Variants in IL1RAPL2 observed in about 807,000 individuals in gnomAD.
The protein encoded by IL1RAPL2 is X-linked interleukin-1 receptor accessory protein-like 2.
Under a neutral mutation model 44.1 loss-of-function variants are expected in IL1RAPL2, and 3 were observed. The ratio of observed to expected loss-of-function variants is 0.07; its 90% confidence interval spans 0.03 to 0.18. The LOEUF (loss-of-function observed/expected upper bound fraction) is 0.18, where lower values mean the gene tolerates loss of function less well. IL1RAPL2 is among the 10% of genes least tolerant of loss of function. The pLI is 1.00. For synonymous variants in IL1RAPL2, 181 were observed against 178.8 expected, an observed-to-expected ratio of 1.01 and a Z score of -0.10; for missense variants, 391 against 496.4, an observed-to-expected ratio of 0.79 and a Z score of 2.02.
intron 3 of IL1RAPL2, among the ~76,000 whole-genome samples, chrX:105,216,677 G>A (rs782679967): frequency 2.7e-5 from 3 of 111,210 alleles, no homozygotes; most frequent in Non-Finnish European, 5.7e-5. Flanking sequence ...AAAACTGGAG[G>A]CATCACACTA....
chrX:104,696,668 C>A (rs1931187965), intron 2 of IL1RAPL2, among the ~76,000 whole-genome samples: 2 of 111,306 alleles, frequency 1.8e-5, no homozygotes, highest in Admixed American at 9.6e-5. Flanking sequence ...AGTTGACCAG[C>A]CAGTATTGGA....
At chrX:104,921,296 G>T (rs1293955862) in intron 2 of IL1RAPL2, among the ~76,000 whole-genome samples, 2 of 99,078 alleles carry the variant, frequency 2.0e-5, no homozygotes, top group African/African-American at 7.7e-5. Flanking sequence ...CCTGCTGTCT[G>T]CTAGGCTTGG....
At chrX:105,765,060 C>G (rs2038718742) in intron 10 of IL1RAPL2, 1 of 111,622 alleles carries the variant, frequency 9.0e-6, no homozygotes, top group African/African-American at 3.3e-5. Flanking sequence ...CCTGGTAAAA[C>G]TGTATCTTCA....
At chrX:105,744,020 A>C in intron 8 of IL1RAPL2, among the ~76,000 whole-genome samples, 1 of 112,197 alleles carries the variant, frequency 8.9e-6, no homozygotes, top group Admixed American at 9.5e-5. Flanking sequence ...ACCAGAGAAA[A>C]CATGCCTTGC....
At chrX:105,265,986 A>T (rs2034399009) in intron 4 of IL1RAPL2, among the ~76,000 whole-genome samples, 1 of 111,436 alleles carries the variant, frequency 9.0e-6, no homozygotes, top group African/African-American at 3.3e-5. Context: ...TGTTCACATC[A>T]TCTACCTCAA....
At chrX:104,888,319 T>G (rs1253213557) in intron 2 of IL1RAPL2, among the ~76,000 whole-genome samples, 1 of 48,994 alleles carries the variant, frequency 2.0e-5, no homozygotes, top group African/African-American at 8.3e-5. Context: ...AAAGAGGGAG[T>G]CAGAGAGAGA....
At chrX:105,731,510 C>T (rs1365221066) in intron 7 of IL1RAPL2, among the ~76,000 whole-genome samples, 1 of 110,893 alleles carries the variant, frequency 9.0e-6, no homozygotes, top group Middle Eastern at 4.3e-3. Flanking sequence ...ATACCTGAAC[C>T]CCCATGTTTA....
chrX:105,340,411 C>CA (rs1232252360), intron 5 of IL1RAPL2, among the ~76,000 whole-genome samples: 1 of 111,900 alleles, frequency 8.9e-6, no homozygotes, highest in African/African-American at 3.2e-5. Context: ...TGATTTACTG[C>CA]AAAAATCTCC....
chrX:105,200,022 A>G (rs1199458110), intron 3 of IL1RAPL2, among the ~76,000 whole-genome samples: 1 of 111,591 alleles, frequency 9.0e-6, no homozygotes, highest in African/African-American at 3.3e-5. Context: ...GCCAAGTGAG[A>G]AATTCCGTCC....
At chrX:105,219,179 A>C in intron 3 of IL1RAPL2, 6 of 1,210,795 alleles carry the variant, frequency 5.0e-6, no homozygotes, top group Non-Finnish European at 6.7e-6. Flanking sequence ...CTAGTATCAA[A>C]GGCCTCCCAG....
At chrX:104,864,844 C>T (rs1224528996) in intron 2 of IL1RAPL2, among the ~76,000 whole-genome samples, 2 of 103,134 alleles carry the variant, frequency 1.9e-5, no homozygotes, top group Non-Finnish European at 3.9e-5. Flanking sequence ...CTTTTGTGGA[C>T]TACTGGACAC....
intron 2 of IL1RAPL2, among the ~76,000 whole-genome samples, chrX:104,749,744 G>A (rs1932227073): frequency 9.0e-6 from 1 of 111,588 alleles, no homozygotes; most frequent in Non-Finnish European, 1.9e-5. Flanking sequence ...TGCCATGTCT[G>A]GTACCAAGTA....
intron 2 of IL1RAPL2, among the ~76,000 whole-genome samples, chrX:105,189,033 T>C (rs1194703622): frequency 9.0e-6 from 1 of 111,454 alleles, no homozygotes; most frequent in Admixed American, 9.5e-5. Context: ...CTGTGCTGGG[T>C]ATAAACAGGA....
At chrX:105,665,438 G>A (rs2147849572) in intron 6 of IL1RAPL2, among the ~76,000 whole-genome samples, 1 of 109,751 alleles carries the variant, frequency 9.1e-6, no homozygotes, top group South Asian at 3.9e-4. Context: ...TCATTTGGGA[G>A]GACAAAAAGA....
intron 2 of IL1RAPL2, among the ~76,000 whole-genome samples, chrX:105,068,833 A>G (rs990395410): frequency 8.9e-6 from 1 of 112,206 alleles, no homozygotes; most frequent in African/African-American, 3.2e-5. Flanking sequence ...GGTTGATAGG[A>G]AGCAAAAAAT....
At chrX:105,404,642 A>C (rs1293700802) in intron 5 of IL1RAPL2, among the ~76,000 whole-genome samples, 15 of 111,075 alleles carry the variant, frequency 1.4e-4, no homozygotes, top group Non-Finnish European at 2.8e-4. Context: ...ACAATTCCAT[A>C]TTTTGCATAT....
intron 6 of IL1RAPL2, among the ~76,000 whole-genome samples, chrX:105,586,313 C>G (rs765043760): frequency 9.0e-6 from 1 of 111,670 alleles, no homozygotes; most frequent in Non-Finnish European, 1.9e-5. Flanking sequence ...CATCTCACAC[C>G]AGTCAGAATG....
chrX:105,172,128 G>A lies in IL1RAPL2; in HGVS notation c.83-23347G>A, dbSNP rs190268913. Among the ~76,000 whole-genome samples the A allele has an allele frequency of 5.5e-3, 617 of 112,305 alleles. 3 individuals carry two copies. The highest frequency in any genetic ancestry group is 0.018 in the Middle Eastern group (4 of 217). On this transcript the variant is annotated intron_variant, in intron 2 of 10. Coordinates refer to ENST00000372582, the MANE Select transcript of IL1RAPL2 (RefSeq NM_017416.2). ...GGTTTGAACAGAGCAAAGGCAGCAAGGGCAAGAGGCTGAGAACATTATGGA... is the reference window on the plus strand; with the variant it reads ...GGTTTGAACAGAGCAAAGGCAGCAAAGGCAAGAGGCTGAGAACATTATGGA...
chrX:104,630,332 A>G (rs1929613313), intron 1 of IL1RAPL2, among the ~76,000 whole-genome samples: 1 of 110,992 alleles, frequency 9.0e-6, no homozygotes, highest in Non-Finnish European at 1.9e-5. Context: ...TATTTTTAGT[A>G]GAGACGGACT....
Sources: gnomAD v4.1 joint callset for allele counts (sites outside exome capture counted in the v4.1 genomes callset) on GRCh38, gnomAD v4.1.1 for gene constraint, MANE v1.5 for transcripts, NCBI Gene and HGNC (gene_info 2026-07-23, HGNC 2026-07-21) for gene names.